PDCD1LG2: variants seen among roughly 807,000 people sequenced by gnomAD.
The protein encoded by PDCD1LG2 is B7 dendritic cell molecule.
Under a neutral mutation model 28.2 loss-of-function variants are expected in PDCD1LG2, and 32 were observed. The observed-to-expected ratio is 1.13, with a 90% CI of 0.86 to 1.52. The LOEUF is 1.52. Ranked by LOEUF, PDCD1LG2 falls within the 40% of genes most tolerant of loss-of-function variation. The pLI, the probability that PDCD1LG2 is intolerant of heterozygous loss-of-function variation, is 0.00. For synonymous variants in PDCD1LG2, 116 were observed against 120.2 expected (o/e 0.97, Z 0.23); for missense variants, 385 against 323.8 (o/e 1.19, Z -1.45).
rs79539455 is a variant in PDCD1LG2 at position 5,519,369 on chromosome 9, T to C, written c.-14-3164T>C. Among the ~76,000 whole-genome samples the C allele has an allele frequency of 2.4e-3, 369 of 152,280 alleles. 2 individuals are homozygous for C. Among genetic ancestry groups the C allele is most frequent in the African/African-American group, 8.2e-3 (339 of 41,534 alleles). ...TCATGGGCAAGTGGTTTACTCTCTCTTAGAGGTTAGAATTGGCTAACCCTG... is the reference window on the plus strand; with the variant it reads ...TCATGGGCAAGTGGTTTACTCTCTCCTAGAGGTTAGAATTGGCTAACCCTG... On this transcript the variant is annotated intron_variant, in intron 1 of 6. Coordinates refer to ENST00000397747, the MANE Select transcript of PDCD1LG2 (RefSeq NM_025239.4).
In PDCD1LG2 at chr9:5,570,015, A is replaced by C. The variant is rs778278741; in HGVS notation, c.*56A>C. 1 of 1,612,152 alleles carries C rather than the reference A, an allele frequency of 6.2e-7. No homozygotes were observed. Among genetic ancestry groups the C allele is most frequent in the Non-Finnish European group, 8.5e-7 (1 of 1,178,314 alleles). ...ATATGACATCTAAAGAAGCTTCTGG[A>C]CTCTGAACAAGAATTCGGTGGCCTG... On this transcript the variant is annotated 3_prime_UTR_variant, in exon 7 of 7. Coordinates refer to ENST00000397747, the MANE Select transcript of PDCD1LG2 (RefSeq NM_025239.4).
chr9:5,530,939 G>A (rs558338658), intron 2 of PDCD1LG2, among the ~76,000 whole-genome samples: 1 of 152,334 alleles, frequency 6.6e-6, no homozygotes, highest in African/African-American at 2.4e-5. Context: ...CTAGCTTCCA[G>A]GTGAAGTTGA....
chr9:5,569,878 A>T lies in PDCD1LG2; in HGVS notation c.817-76A>T, dbSNP rs985113350. 52 of 1,448,356 alleles carry T rather than the reference A, an allele frequency of 3.6e-5. 1 individual carries two copies. In the Middle Eastern group the frequency reaches 5.3e-4, roughly 15 times the overall value. 89.7% of individuals were successfully genotyped at this position (1,448,356 alleles called of 1,614,324 possible). A position where few individuals can be genotyped will look rare whatever the true frequency, so the allele number is the denominator to read the frequency against. On this transcript the variant is annotated intron_variant, in intron 6 of 6. Transcript: ENST00000397747. This position sits in a 1 kb window ranked among gnomAD's most constrained non-coding sequence, Gnocchi z 4.1. ...ACTTTTTTAAAAAAATTAGTTCCTC[A>T]CTCAAATTTTGGGGAGGTTATATAT...
At chr9:5,561,973 C>T (rs900949948) in intron 5 of PDCD1LG2, among the ~76,000 whole-genome samples, 1 of 152,192 alleles carries the variant, frequency 6.6e-6, no homozygotes, top group African/African-American at 2.4e-5. Context: ...CTTTCAAATG[C>T]AAACCCTCAT....
At chr9:5,567,918 A>G (rs553978527) in intron 6 of PDCD1LG2, among the ~76,000 whole-genome samples, 2 of 152,328 alleles carry the variant, frequency 1.3e-5, no homozygotes, top group Admixed American at 6.5e-5. Flanking sequence ...CTTTTGGTCC[A>G]GTCTTTACGT....
chr9:5,558,222 A>T (rs879768176), intron 5 of PDCD1LG2, among the ~76,000 whole-genome samples: 1 of 152,188 alleles, frequency 6.6e-6, no homozygotes, highest in Non-Finnish European at 1.5e-5. Context: ...GGAAAGGAGA[A>T]AGGTTTGTGA....
At position 5,549,377 on chromosome 9, in the gene PDCD1LG2, A is replaced by G. The variant is rs752953812; in HGVS notation, c.404A>G (p.Glu135Gly). 9 of 1,614,040 alleles carry G rather than the reference A, an allele frequency of 5.6e-6. No individual in the cohort carries two copies. The highest frequency in any genetic ancestry group is 6.8e-6 in the Non-Finnish European group (8 of 1,179,994). The change falls in exon 4 of 7, where the codon GAA (glutamate) becomes GGA (glycine). Residue 135 changes from glutamate (E) to glycine (G), a missense_variant. Transcript: ENST00000397747. The stretch of plus-strand genomic sequence containing the variant: ...AACACTCACATCCTAAAGGTTCCAG[A>G]AACAGATGAGGTAGAGCTCACCTGC... ...KINTHILKVP[E>G]TDEVELTCQA...
At chr9:5,535,561 G>C (rs1235056748) in intron 3 of PDCD1LG2, among the ~76,000 whole-genome samples, 1 of 152,150 alleles carries the variant, frequency 6.6e-6, no homozygotes, top group African/African-American at 2.4e-5. Flanking sequence ...CGACATCACA[G>C]AGTAGGACTG....
intron 3 of PDCD1LG2, among the ~76,000 whole-genome samples, chr9:5,539,985 T>A (rs1487401249): frequency 6.6e-6 from 1 of 152,180 alleles, no homozygotes; most frequent in African/African-American, 2.4e-5. Flanking sequence ...ATAGACTATA[T>A]AGTAGGCCAC....
At chr9:5,514,013 G>A (rs550475692) in intron 1 of PDCD1LG2, among the ~76,000 whole-genome samples, 11 of 152,274 alleles carry the variant, frequency 7.2e-5, no homozygotes, top group Admixed American at 2.6e-4. Flanking sequence ...ATGGATAGCC[G>A]GGCTCTACTA....
At position 5,551,965 on chromosome 9, in the gene PDCD1LG2, A is replaced by G. The variant is rs1816343984; in HGVS notation, c.631+2361A>G. On this transcript the variant is annotated intron_variant, in intron 4 of 6. Transcript: ENST00000397747. ...CTGTGGATCCCAAGCCACAGTTGAT[A>G]TTTGTTGTCTCACTCATCCACCATA... Among the ~76,000 whole-genome samples the G allele has an allele frequency of 2.6e-5, 4 of 152,142 alleles. No homozygotes were observed. The South Asian group carries it at 8.3e-4, about 32-fold the overall frequency.
At chr9:5,566,142 G>A (rs1816661730) in intron 6 of PDCD1LG2, among the ~76,000 whole-genome samples, 1 of 152,134 alleles carries the variant, frequency 6.6e-6, no homozygotes, top group African/African-American at 2.4e-5. Flanking sequence ...CTCTCATTTT[G>A]TGACTCGGCA....
chr9:5,538,574 G>C (rs542485594), intron 3 of PDCD1LG2, among the ~76,000 whole-genome samples: 2 of 152,106 alleles, frequency 1.3e-5, no homozygotes, highest in African/African-American at 4.8e-5. Flanking sequence ...TGTAGTCCCA[G>C]CTACTGGGGA....
At position 5,549,480 on chromosome 9, in the gene PDCD1LG2, C is replaced by T. The variant is rs139076098; in HGVS notation, c.507C>T (p.Thr169=). ...SVPANTSHSR[T]PEGLYQVTSV... ...CTGCCAACACCAGCCACTCCAGGAC[C>T]CCTGAAGGCCTCTACCAGGTCACCA... is the stretch of plus-strand genomic sequence containing the variant. The change falls in exon 4 of 7, where the codon ACC becomes ACT. Residue 169 remains threonine, a synonymous_variant. Transcript: ENST00000397747. 2.5e-5 allele frequency: 40 copies of T among 1,614,076 alleles called. No homozygotes were observed. The African/African-American group carries it at 4.3e-4, about 17-fold the overall frequency.
chr9:5,518,883 AG>A (rs1820219258), intron 1 of PDCD1LG2, among the ~76,000 whole-genome samples: 1 of 152,214 alleles, frequency 6.6e-6, no homozygotes, highest in Non-Finnish European at 1.5e-5. Context: ...GCAACTCTCA[AG>A]AGTATTTGGC....
chr9:5,522,661 A>G, intron 2 of PDCD1LG2, 60 bp downstream of exon 2: 1 of 1,519,696 alleles, frequency 6.6e-7, no homozygotes, highest in Non-Finnish European at 9.1e-7. Flanking sequence ...TCCTAGCCAA[A>G]GCCAAAAATG....
chr9:5,532,131 T>C (rs1479063276), intron 2 of PDCD1LG2, among the ~76,000 whole-genome samples: 1 of 152,244 alleles, frequency 6.6e-6, no homozygotes, highest in Non-Finnish European at 1.5e-5. Flanking sequence ...AATCTCTTTT[T>C]ACATGCCTTA....
At chr9:5,552,331 T>C (rs1267227996) in intron 4 of PDCD1LG2, among the ~76,000 whole-genome samples, 1 of 152,204 alleles carries the variant, frequency 6.6e-6, no homozygotes, top group African/African-American at 2.4e-5. Flanking sequence ...GCCAGGCCAG[T>C]AGCAGAGCTT....
intron 1 of PDCD1LG2, among the ~76,000 whole-genome samples, chr9:5,520,658 C>G (rs1208667506): frequency 6.6e-6 from 1 of 152,048 alleles, no homozygotes; most frequent in Non-Finnish European, 1.5e-5. Context: ...GATTTTTTTA[C>G]TTAAAATCAA....
Sources: gnomAD v4.1 joint callset for allele counts (sites outside exome capture counted in the v4.1 genomes callset) on GRCh38, gnomAD v4.1.1 for gene constraint, Gnocchi (gnomAD v3.1) non-coding constraint, MANE v1.5 for transcripts, NCBI Gene and HGNC (gene_info 2026-07-23, HGNC 2026-07-21) for gene names.